CPNE4: variants seen among roughly 807,000 people sequenced by gnomAD.
CPNE4 encodes the protein copine 4.
Under a neutral mutation model 67.9 loss-of-function variants are expected in CPNE4, and 25 were observed. The observed-to-expected ratio is 0.37, with a 90% CI of 0.27 to 0.51. The LOEUF is 0.51. Ranked by LOEUF, CPNE4 falls within the 20% of genes least tolerant of loss-of-function variation. The pLI is 0.93. For missense variants in CPNE4, 464 were observed against 690.8 expected, an observed-to-expected ratio of 0.67 and a Z score of 3.68; for synonymous variants, 242 against 244.9, an observed-to-expected ratio of 0.99 and a Z score of 0.11.
rs545410424 is a variant in CPNE4, at chr3:131,958,249, A to C, written c.-1-52805T>G. Among the ~76,000 whole-genome samples, 80 of 152,334 alleles carry C rather than the reference A, an allele frequency of 5.3e-4. No homozygotes were observed. In the South Asian group the frequency reaches 0.016, roughly 30 times the overall value. ...TATAGATGAGCAATAAATAGCTCAGAGATAAAGCGACTTTTCCCAGTTCTT... is the reference window on the plus strand; with the variant it reads ...TATAGATGAGCAATAAATAGCTCAGCGATAAAGCGACTTTTCCCAGTTCTT... On this transcript the variant is annotated intron_variant, in intron 1 of 15. Transcript: ENST00000429747.
intron 7 of CPNE4, among the ~76,000 whole-genome samples, chr3:131,618,152 G>A (rs1940264844): frequency 6.6e-6 from 1 of 152,164 alleles, no homozygotes; most frequent in African/African-American, 2.4e-5. Context: ...CCTAGTGGGA[G>A]ACTTTGGCTG....
intron 13 of CPNE4, among the ~76,000 whole-genome samples, chr3:131,551,926 A>G (rs1936196410): frequency 6.6e-6 from 1 of 152,110 alleles, no homozygotes; most frequent in Non-Finnish European, 1.5e-5. Context: ...AGAACCTTTG[A>G]GCAGGCTTTC....
intron 2 of CPNE4, among the ~76,000 whole-genome samples, chr3:131,876,893 A>T (rs749980207): frequency 3.9e-5 from 6 of 152,162 alleles, no homozygotes; most frequent in Non-Finnish European, 7.3e-5. Flanking sequence ...ACAGGGAATT[A>T]TCTATTTTTC....
chr3:131,594,381 C>A (rs1013194560), intron 7 of CPNE4, among the ~76,000 whole-genome samples: 1 of 152,046 alleles, frequency 6.6e-6, no homozygotes, highest in Non-Finnish European at 1.5e-5. Context: ...AATAGAGAGG[C>A]CAAAACCAAA....
At chr3:131,863,100 G>A (rs1471660569) in intron 2 of CPNE4, among the ~76,000 whole-genome samples, 2 of 152,030 alleles carry the variant, frequency 1.3e-5, no homozygotes, top group African/African-American at 4.8e-5. Context: ...TCTTAATCCA[G>A]TCTATCATTG....
At chr3:131,698,030 G>A (rs979159914) in intron 4 of CPNE4, among the ~76,000 whole-genome samples, 2 of 151,776 alleles carry the variant, frequency 1.3e-5, no homozygotes, top group Non-Finnish European at 2.9e-5. Context: ...AGGAGATCGA[G>A]ACCATCCTGG....
At chr3:131,689,793 T>A (rs891077480) in intron 5 of CPNE4, among the ~76,000 whole-genome samples, 1 of 152,204 alleles carries the variant, frequency 6.6e-6, no homozygotes, top group African/African-American at 2.4e-5. Context: ...GCCGTTGATA[T>A]AATTCTATAC....
chr3:131,924,902 C>T (rs987260404), intron 1 of CPNE4, among the ~76,000 whole-genome samples: 2 of 152,150 alleles, frequency 1.3e-5, no homozygotes, highest in Non-Finnish European at 2.9e-5. Flanking sequence ...TCAGCTCCCA[C>T]CTCTTCTTTG....
chr3:132,033,899 G>A (rs1161529070), intron 1 of CPNE4, among the ~76,000 whole-genome samples: 2 of 152,164 alleles, frequency 1.3e-5, no homozygotes, highest in East Asian at 1.9e-4. Context: ...CTTGGTTTCA[G>A]TGGTCCCTCC....
chr3:131,749,372 A>G (rs1323815994), intron 2 of CPNE4, among the ~76,000 whole-genome samples: 1 of 152,128 alleles, frequency 6.6e-6, no homozygotes, highest in African/African-American at 2.4e-5. Context: ...GAGGCCCAAG[A>G]TATAGTCTAT....
At chr3:132,011,306 C>T (rs920691163) in intron 1 of CPNE4, among the ~76,000 whole-genome samples, 2 of 152,180 alleles carry the variant, frequency 1.3e-5, no homozygotes, top group Non-Finnish European at 2.9e-5. Flanking sequence ...AACCTCTTTG[C>T]ACAGACAGGA....
Position 131,685,969 on chromosome 3 carries a change from TA to T in CPNE4, c.508-12del. On this transcript the variant is annotated splice_polypyrimidine_tract_variant and intron_variant, in intron 5 of 15. Coordinates refer to ENST00000429747, the MANE Select transcript of CPNE4 (RefSeq NM_130808.3). ...TTTACTGAAGAAATCCTAAAATAGA[TA>T]AACGTCAATGAATTGTTTTTCCTCC... 6.9e-7 allele frequency: 1 copy of T among 1,458,048 alleles called. No individual in the cohort carries two copies. Among genetic ancestry groups the T allele is most frequent in the South Asian group, 1.1e-5 (1 of 87,220 alleles). The allele number at this position is 1,458,048 out of a possible 1,614,324, so 90.3% of individuals were successfully genotyped here.
At chr3:131,649,302 A>G (rs758889258) in intron 7 of CPNE4, among the ~76,000 whole-genome samples, 3 of 152,222 alleles carry the variant, frequency 2.0e-5, no homozygotes, top group Admixed American at 2.0e-4. Context: ...GTAACAATGG[A>G]ACACAGAACC....
In CPNE4 at chr3:131,841,943, T is replaced by G. The variant is rs528761192; in HGVS notation, c.180+63321A>C. On this transcript the variant is annotated intron_variant, in intron 2 of 15. Transcript: ENST00000429747. ...GAGTTAGAGATGCCTGGAGAGAGGG[T>G]GTGTGCGTGTGTGTAAAACAGCAGT... Among the ~76,000 whole-genome samples the G allele has an allele frequency of 5.3e-5, 8 of 152,052 alleles. No homozygotes were observed. The South Asian group carries it at 8.3e-4, about 16-fold the overall frequency.
chr3:131,990,459 C>CT (rs1174698416), intron 1 of CPNE4, among the ~76,000 whole-genome samples: 3 of 134,166 alleles, frequency 2.2e-5, no homozygotes, highest in South Asian at 2.6e-4. Context: ...GGTTCTTTTT[C>CT]TTTTTTTTAA....
At chr3:131,539,181 T>C (rs976420066) in intron 15 of CPNE4, among the ~76,000 whole-genome samples, 4 of 152,230 alleles carry the variant, frequency 2.6e-5, no homozygotes, top group Non-Finnish European at 1.5e-5. Flanking sequence ...TTGAAATCCA[T>C]GAAGATAAGA....
intron 3 of CPNE4, among the ~76,000 whole-genome samples, chr3:131,708,995 T>TATATATATACAC (rs1366246304): frequency 9.2e-6 from 1 of 109,116 alleles, no homozygotes; most frequent in Non-Finnish European, 1.8e-5. Flanking sequence ...TATATATATA[T>TATATATATACAC]ACATACACAC....
At chr3:131,848,636 T>G (rs984879539) in intron 2 of CPNE4, among the ~76,000 whole-genome samples, 2 of 149,670 alleles carry the variant, frequency 1.3e-5, no homozygotes, top group African/African-American at 4.9e-5. Context: ...CTGGACATTT[T>G]CTTAGGTGAT....
chr3:131,912,675 A>G (rs908159107), intron 1 of CPNE4, among the ~76,000 whole-genome samples: 1 of 152,078 alleles, frequency 6.6e-6, no homozygotes, highest in African/African-American at 2.4e-5. Context: ...TCTGTCTTGA[A>G]CTTACCCATA....
Sources: allele counts gnomAD v4.1 joint callset (sites outside exome capture counted in the v4.1 genomes callset), GRCh38; gene constraint gnomAD v4.1.1; transcripts MANE v1.5; gene names NCBI Gene and HGNC (gene_info 2026-07-23, HGNC 2026-07-21).